Variants in PARD3B observed in about 807,000 individuals in gnomAD.
PARD3B encodes par-3 family cell polarity regulator beta.
Under a neutral mutation model 130.2 loss-of-function variants are expected in PARD3B, and 103 were observed. The ratio of observed to expected loss-of-function variants is 0.79; its 90% confidence interval spans 0.67 to 0.93. PARD3B has a LOEUF of 0.93. Ranked by LOEUF, PARD3B falls within the 40% of genes least tolerant of loss-of-function variation. The pLI is 0.00. For missense variants in PARD3B, 1,609 were observed against 1,499.2 expected (o/e 1.07, Z -1.21); for synonymous variants, 583 against 553.2 (o/e 1.05, Z -0.76).
At chr2:204,707,430 A>C (rs1448729044) in intron 2 of PARD3B, among the ~76,000 whole-genome samples, 1 of 151,970 alleles carries the variant, frequency 6.6e-6, no homozygotes, top group Non-Finnish European at 1.5e-5. Context: ...TTTTATATGG[A>C]TTTTTTTCTA....
rs547688852 is a variant in PARD3B at position 204,960,573 on chromosome 2, A to T, written c.223-4579A>T. Among the ~76,000 whole-genome samples, 6 of 152,316 alleles carry T rather than the reference A, an allele frequency of 3.9e-5. No homozygotes were observed. The South Asian group carries it at 1.0e-3, about 26-fold the overall frequency. On this transcript the variant is annotated intron_variant, in intron 2 of 22. Coordinates refer to ENST00000406610, the MANE Select transcript of PARD3B (RefSeq NM_001302769.2). Reference sequence around the variant, plus strand: ...ATTTAATTTTTTAAAAAAATATTTGAATGTTTATTCTAAAAACATGTGAAA... The same window carrying T: ...ATTTAATTTTTTAAAAAAATATTTGTATGTTTATTCTAAAAACATGTGAAA...
intron 2 of PARD3B, among the ~76,000 whole-genome samples, chr2:204,881,696 T>G (rs1212704022): frequency 6.6e-6 from 1 of 152,166 alleles, no homozygotes; most frequent in Non-Finnish European, 1.5e-5. Flanking sequence ...GCCAGGCTAA[T>G]GAAGGAAACT....
At chr2:205,380,241 ATAT>A (rs2045278437) in intron 18 of PARD3B, among the ~76,000 whole-genome samples, 4 of 73,884 alleles carry the variant, frequency 5.4e-5, no homozygotes, top group Non-Finnish European at 7.1e-5. Context: ...TAAAGAATAT[ATAT>A]TATATATAAT....
intron 2 of PARD3B, among the ~76,000 whole-genome samples, chr2:204,732,532 T>G (rs2039563484): frequency 1.4e-5 from 2 of 144,908 alleles, no homozygotes; most frequent in African/African-American, 2.5e-5. Context: ...TGAGACGGAG[T>G]CTCGCTCTGT....
chr2:205,173,673 A>G (rs1202927823), intron 12 of PARD3B, among the ~76,000 whole-genome samples: 1 of 152,172 alleles, frequency 6.6e-6, no homozygotes, highest in Non-Finnish European at 1.5e-5. Context: ...ATAAATTTAA[A>G]TTGGCCAATT....
At chr2:204,846,234 A>G (rs1292058809) in intron 2 of PARD3B, among the ~76,000 whole-genome samples, 1 of 152,102 alleles carries the variant, frequency 6.6e-6, no homozygotes, top group Non-Finnish European at 1.5e-5. Flanking sequence ...GATAAGATAG[A>G]TTCAGTGTTG....
intron 2 of PARD3B, among the ~76,000 whole-genome samples, chr2:204,703,748 T>A (rs1574754219): frequency 6.6e-6 from 1 of 152,304 alleles, no homozygotes; most frequent in East Asian, 1.9e-4. Flanking sequence ...CCTTGGATTC[T>A]GCTTCATGTC....
At chr2:205,520,817 CTG>C (rs1287547266) in intron 21 of PARD3B, among the ~76,000 whole-genome samples, 2 of 151,946 alleles carry the variant, frequency 1.3e-5, no homozygotes, top group Non-Finnish European at 2.9e-5. Flanking sequence ...ATCTTCAAAA[CTG>C]TGAATTTAAT....
intron 10 of PARD3B, among the ~76,000 whole-genome samples, chr2:205,139,784 C>T (rs1466392306): frequency 1.3e-5 from 2 of 151,574 alleles, no homozygotes; most frequent in African/African-American, 4.8e-5. Flanking sequence ...TAACATGTCA[C>T]TATTATTTGT....
chr2:205,343,556 G>A (rs2043625915), intron 18 of PARD3B, among the ~76,000 whole-genome samples: 1 of 152,176 alleles, frequency 6.6e-6, no homozygotes, highest in Non-Finnish European at 1.5e-5. Context: ...AAGACATCTT[G>A]TATTCATCAG....
intron 10 of PARD3B, among the ~76,000 whole-genome samples, chr2:205,157,437 T>C (rs1294183393): frequency 6.6e-6 from 1 of 152,192 alleles, no homozygotes. Flanking sequence ...ACTTCACTTA[T>C]AAGAAAATTA....
intron 18 of PARD3B, among the ~76,000 whole-genome samples, chr2:205,304,452 A>G (rs1441748866): frequency 6.6e-6 from 1 of 151,952 alleles, no homozygotes; most frequent in African/African-American, 2.4e-5. Context: ...CTTGACTAAC[A>G]TGGAGAAACC....
rs1176763508 is a variant in PARD3B at position 204,793,973 on chromosome 2, A to T, written c.222+107691A>T. ...ATAACTTTTTTTCTGGCACTTTATT[A>T]TAGGGCCTTGGAGATTACCTTGGAT... On this transcript the variant is annotated intron_variant, in intron 2 of 22. Transcript: ENST00000406610. Among the ~76,000 whole-genome samples, 3 of 152,128 alleles carry T rather than the reference A, an allele frequency of 2.0e-5. No homozygotes were observed. The East Asian group carries it at 5.8e-4, about 29-fold the overall frequency.
At chr2:204,618,959 C>CT (rs1265651104) in intron 1 of PARD3B, among the ~76,000 whole-genome samples, 1 of 151,882 alleles carries the variant, frequency 6.6e-6, no homozygotes, top group Non-Finnish European at 1.5e-5. Context: ...ATAAATGATT[C>CT]TTTTTGTTTT....
In PARD3B at chr2:204,678,885, A is replaced by G. The variant is rs2036687098; in HGVS notation, c.121-7296A>G. On this transcript the variant is annotated intron_variant, in intron 1 of 22. Coordinates refer to ENST00000406610, the MANE Select transcript of PARD3B (RefSeq NM_001302769.2). The surrounding 1 kb of genome is among the most constrained non-coding windows in gnomAD (Gnocchi z 4.2). ...CAGTATTTCCCTGCCTCCTGTCGGT[A>G]TCGCTAACATACAGATCAAGAAATA... Among the ~76,000 whole-genome samples, 1 of 152,124 alleles carries G rather than the reference A, an allele frequency of 6.6e-6. No individual in the cohort carries two copies. Among genetic ancestry groups the G allele is most frequent in the African/African-American group, 2.4e-5 (1 of 41,418 alleles).
intron 3 of PARD3B, among the ~76,000 whole-genome samples, chr2:205,020,910 A>T (rs1464966178): frequency 1.3e-5 from 2 of 152,154 alleles, no homozygotes; most frequent in East Asian, 3.9e-4. Flanking sequence ...TAGTCAACAG[A>T]TGGGAGTCTT....
At chr2:204,820,211 G>A (rs932186296) in intron 2 of PARD3B, among the ~76,000 whole-genome samples, 2 of 151,308 alleles carry the variant, frequency 1.3e-5, no homozygotes, top group African/African-American at 4.9e-5. Context: ...AAGCAGCTGG[G>A]ATAACAGGCG....
At chr2:205,387,351 G>A (rs1324783641) in intron 18 of PARD3B, among the ~76,000 whole-genome samples, 1 of 152,134 alleles carries the variant, frequency 6.6e-6, no homozygotes, top group Non-Finnish European at 1.5e-5. Context: ...AATAATTTAA[G>A]CTCAGGCTTT....
At chr2:205,347,592 ATACTT>A (rs2105832901) in intron 18 of PARD3B, among the ~76,000 whole-genome samples, 1 of 152,340 alleles carries the variant, frequency 6.6e-6, no homozygotes, top group East Asian at 1.9e-4. Context: ...GAATCCTAGG[ATACTT>A]TACTTAGAAC....
Sources: gnomAD v4.1 joint callset for allele counts (sites outside exome capture counted in the v4.1 genomes callset) on GRCh38, gnomAD v4.1.1 for gene constraint, Gnocchi (gnomAD v3.1) non-coding constraint, MANE v1.5 for transcripts, NCBI Gene and HGNC (gene_info 2026-07-23, HGNC 2026-07-21) for gene names.